Variants in RSRC1 observed in about 807,000 individuals in gnomAD.
RSRC1 encodes the protein arginine and serine rich coiled-coil 1.
A neutral mutation model predicts 49.1 loss-of-function variants in RSRC1; 39 were observed. The ratio of observed to expected loss-of-function variants is 0.79; its 90% CI spans 0.61 to 1.04. RSRC1 has a LOEUF of 1.04. Ranked by LOEUF, RSRC1 falls within the 50% of genes least tolerant of loss-of-function variation. RSRC1 has a pLI of 0.00. For synonymous variants in RSRC1, 143 were observed against 130.8 expected (o/e 1.09, Z -0.63); for missense variants, 388 against 402.4 (o/e 0.96, Z 0.31).
intron 4 of RSRC1, among the ~76,000 whole-genome samples, chr3:158,242,232 G>C (rs1723639349): frequency 6.6e-6 from 1 of 151,694 alleles, no homozygotes; most frequent in Non-Finnish European, 1.5e-5. Flanking sequence ...GCCCCAGTTT[G>C]TGTTGTTTCC....
intron 5 of RSRC1, among the ~76,000 whole-genome samples, chr3:158,329,888 C>G (rs1006667888): frequency 5.3e-5 from 8 of 152,200 alleles, no homozygotes; most frequent in South Asian, 2.1e-4. Flanking sequence ...CCACCCAGTT[C>G]GAGCTTCTGG....
At chr3:158,233,713 AACCCCTGATCATTTCTTTTT>A (rs1248034437) in intron 4 of RSRC1, among the ~76,000 whole-genome samples, 1 of 152,162 alleles carries the variant, frequency 6.6e-6, no homozygotes, top group African/African-American at 2.4e-5. Context: ...TACAAAAGAC[AACCCCTGATCATTTCTTTTT>A]ATGCAAATGA....
At chr3:158,367,126 A>ACCCTTTCTTTCTTTCTCTTGCCCTGG (rs1731810385) in intron 6 of RSRC1, among the ~76,000 whole-genome samples, 1 of 151,968 alleles carries the variant, frequency 6.6e-6, no homozygotes, top group Non-Finnish European at 1.5e-5. Flanking sequence ...CTATTTGAAT[A>ACCCTTTCTTTCTTTCTCTTGCCCTGG]CCCTTTCTTT....
intron 3 of RSRC1, among the ~76,000 whole-genome samples, chr3:158,136,222 T>G (rs1244610083): frequency 6.6e-6 from 1 of 152,214 alleles, no homozygotes; most frequent in Non-Finnish European, 1.5e-5. Context: ...TAGTTCTAAT[T>G]TGATTCGAAA....
intron 6 of RSRC1, among the ~76,000 whole-genome samples, chr3:158,392,722 T>G (rs1289996435): frequency 6.6e-6 from 1 of 152,060 alleles, no homozygotes; most frequent in East Asian, 1.9e-4. Context: ...AATCACACAC[T>G]AATAGTGGAA....
chr3:158,148,299 A>G (rs1324852023), intron 3 of RSRC1, among the ~76,000 whole-genome samples: 4 of 152,032 alleles, frequency 2.6e-5, no homozygotes, highest in African/African-American at 9.7e-5. Context: ...TGGAGAAGCA[A>G]TTTGATCATT....
chr3:158,282,686 T>C (rs951179834), intron 4 of RSRC1, among the ~76,000 whole-genome samples: 3 of 152,188 alleles, frequency 2.0e-5, no homozygotes, highest in Non-Finnish European at 4.4e-5. Flanking sequence ...GGTGGGAGTT[T>C]AATTGGTTCT....
At chr3:158,538,077 A>G (rs1712817452) in intron 8 of RSRC1, among the ~76,000 whole-genome samples, 1 of 151,854 alleles carries the variant, frequency 6.6e-6, no homozygotes, top group Non-Finnish European at 1.5e-5. Context: ...GTTCAAAGAG[A>G]TATCTGCCTC....
At chr3:158,191,175 C>T (rs1392436635) in intron 3 of RSRC1, among the ~76,000 whole-genome samples, 1 of 151,916 alleles carries the variant, frequency 6.6e-6, no homozygotes, top group Admixed American at 6.6e-5. Context: ...AAGCGCATCA[C>T]TCCTAGAGTG....
intron 3 of RSRC1, among the ~76,000 whole-genome samples, chr3:158,155,588 A>C (rs1401473992): frequency 1.4e-5 from 2 of 142,198 alleles, no homozygotes; most frequent in African/African-American, 5.3e-5. Flanking sequence ...TGCACCACCA[A>C]GCCTAGCTAC....
intron 7 of RSRC1, among the ~76,000 whole-genome samples, chr3:158,493,297 T>C (rs1739164676): frequency 6.6e-6 from 1 of 152,184 alleles, no homozygotes; most frequent in Non-Finnish European, 1.5e-5. Context: ...TAGAAGTCTT[T>C]GAAGCAGTTT....
intron 1 of RSRC1, among the ~76,000 whole-genome samples, chr3:158,116,774 G>T (rs115019486): frequency 3.3e-5 from 5 of 152,192 alleles, no homozygotes; most frequent in African/African-American, 9.6e-5. Flanking sequence ...GGGTCTACAG[G>T]CCTCATTTTG....
At chr3:158,432,420 T>G (rs553281193) in intron 6 of RSRC1, among the ~76,000 whole-genome samples, 111 of 152,068 alleles carry the variant, frequency 7.3e-4, no homozygotes, top group African/African-American at 2.6e-3. Flanking sequence ...AGTTTTGCAC[T>G]GATTGCTATT....
At chr3:158,505,445 T>C (rs2108465824) in intron 7 of RSRC1, among the ~76,000 whole-genome samples, 1 of 152,304 alleles carries the variant, frequency 6.6e-6, no homozygotes, top group East Asian at 1.9e-4. Flanking sequence ...CACTGTGGGC[T>C]GAATACTGTG....
At chr3:158,465,486 A>G (rs1344535272) in intron 7 of RSRC1, among the ~76,000 whole-genome samples, 1 of 152,140 alleles carries the variant, frequency 6.6e-6, no homozygotes, top group African/African-American at 2.4e-5. Flanking sequence ...TTTATAAGAA[A>G]GTAGGAGTGA....
chr3:158,369,835 G>C (rs971374367), intron 6 of RSRC1, among the ~76,000 whole-genome samples: 2 of 152,042 alleles, frequency 1.3e-5, no homozygotes, highest in African/African-American at 4.8e-5. Flanking sequence ...CAAGACCTGT[G>C]AATTCAATTG....
At chr3:158,342,866 A>G (rs1730334092) in intron 5 of RSRC1, among the ~76,000 whole-genome samples, 1 of 152,186 alleles carries the variant, frequency 6.6e-6, no homozygotes, top group African/African-American at 2.4e-5. Flanking sequence ...GGTGATTCCT[A>G]TGATTGCCTC....
At chr3:158,423,338 T>C (rs1735190079) in intron 6 of RSRC1, among the ~76,000 whole-genome samples, 1 of 152,168 alleles carries the variant, frequency 6.6e-6, no homozygotes, top group African/African-American at 2.4e-5. Context: ...TAGGGAATCC[T>C]TTCCCCATTG....
intron 3 of RSRC1, among the ~76,000 whole-genome samples, chr3:158,159,377 T>C (rs1718076968): frequency 6.6e-6 from 1 of 152,186 alleles, no homozygotes; most frequent in South Asian, 2.1e-4. Context: ...ATCAGAAGAA[T>C]ATGAAAACCA....
Sources: gnomAD v4.1 joint callset for allele counts (sites outside exome capture counted in the v4.1 genomes callset) on GRCh38, gnomAD v4.1.1 for gene constraint, MANE v1.5 for transcripts, NCBI Gene and HGNC (gene_info 2026-07-23, HGNC 2026-07-21) for gene names.